Variants in SPATA31H1 observed in about 807,000 individuals in gnomAD.
SPATA31H1 encodes the protein spermatogenesis-associated protein 31H1.
At chr2:27,565,977 G>T in the SPATA31H1 span, 1 of 713,778 alleles carries the variant, frequency 1.4e-6, no homozygotes, top group Non-Finnish European at 2.6e-6. Flanking sequence ...AAAAAGAGGG[G>T]GTTGGACAAA....
the SPATA31H1 span, chr2:27,566,164 TG>T: frequency 7.0e-6 from 5 of 715,880 alleles, no homozygotes; most frequent in Non-Finnish European, 1.0e-5. Context: ...GTAAAGTACC[TG>T]GACTCTGTTT....
At chr2:27,538,337 G>C in the SPATA31H1 span, among the ~76,000 whole-genome samples, 1 of 152,156 alleles carries the variant, frequency 6.6e-6, no homozygotes, top group Non-Finnish European at 1.5e-5. Context: ...GATGTAGTAA[G>C]TCTGGGGTAG....
chr2:27,541,818 C>T, the SPATA31H1 span, among the ~76,000 whole-genome samples: 2 of 152,042 alleles, frequency 1.3e-5, no homozygotes, highest in Non-Finnish European at 2.9e-5. Flanking sequence ...CCCTCTGTCA[C>T]CCAGGCTGGA....
chr2:27,555,722 G>A, the SPATA31H1 span, among the ~76,000 whole-genome samples: 1 of 151,916 alleles, frequency 6.6e-6, no homozygotes, highest in African/African-American at 2.4e-5. Flanking sequence ...GTCTCTTTTA[G>A]CACATTAAAA....
At chr2:27,579,614 T>C in the SPATA31H1 span, 2 of 1,614,068 alleles carry the variant, frequency 1.2e-6, no homozygotes, top group Admixed American at 3.3e-5. Context: ...TCATTCAACA[T>C]ATGCCTGTCT....
chr2:27,540,087 G>A, the SPATA31H1 span, among the ~76,000 whole-genome samples: 10 of 100,954 alleles, frequency 9.9e-5, no homozygotes, highest in African/African-American at 2.0e-4. Context: ...CAGTAGGGGC[G>A]GCCGGGCAGA....
chr2:27,582,000 T>G, the SPATA31H1 span: 34 of 1,613,688 alleles, frequency 2.1e-5, no homozygotes, highest in Non-Finnish European at 2.9e-5. Context: ...TCACAGTCCC[T>G]TGGAGAGGAG....
the SPATA31H1 span, chr2:27,577,302 C>A: frequency 6.2e-7 from 1 of 1,614,008 alleles, no homozygotes; most frequent in South Asian, 1.1e-5. This position sits in a 1 kb window ranked among gnomAD's most constrained non-coding sequence, Gnocchi z 4.5. Flanking sequence ...GTCACGGCCC[C>A]GAGTTAAGGA....
the SPATA31H1 span, chr2:27,578,217 G>T: frequency 1.9e-6 from 3 of 1,614,166 alleles, no homozygotes; most frequent in African/African-American, 4.0e-5. Context: ...ACTGCAATAT[G>T]TGAGACCTTC....
At chr2:27,541,423 G>A in the SPATA31H1 span, among the ~76,000 whole-genome samples, 11 of 151,832 alleles carry the variant, frequency 7.2e-5, 1 homozygote, top group South Asian at 6.2e-4. Flanking sequence ...AGAGGGGAGA[G>A]GGGAGAGGGA....
chr2:27,582,491 A>G, the SPATA31H1 span: 2 of 1,612,086 alleles, frequency 1.2e-6, no homozygotes, highest in Non-Finnish European at 8.5e-7. Flanking sequence ...AAAATCCCAA[A>G]GCAGGGCAAG....
chr2:27,556,714 TA>T, the SPATA31H1 span, among the ~76,000 whole-genome samples: 28 of 147,446 alleles, frequency 1.9e-4, no homozygotes, highest in South Asian at 6.3e-4. Context: ...TTAATTAATT[TA>T]TTTTTTTTTT....
At chr2:27,582,467 C>A in the SPATA31H1 span, 91 of 1,613,414 alleles carry the variant, frequency 5.6e-5, 1 homozygote, top group Non-Finnish European at 7.5e-5. Flanking sequence ...CAACTCTCCT[C>A]GGGACCACAC....
At chr2:27,581,137 T>C in the SPATA31H1 span, 2 of 1,614,154 alleles carry the variant, frequency 1.2e-6, no homozygotes, top group Non-Finnish European at 1.7e-6. Flanking sequence ...GGTTCCCCTG[T>C]GAAGAGAACC....
At chr2:27,567,689 G>A in the SPATA31H1 span, 1 of 400,436 alleles carries the variant, frequency 2.5e-6, no homozygotes. Flanking sequence ...CTCCTTTACT[G>A]AAGAATGATC....
the SPATA31H1 span, among the ~76,000 whole-genome samples, chr2:27,560,356 T>G: frequency 4.7e-3 from 716 of 152,292 alleles, 6 homozygotes; most frequent in African/African-American, 0.016. Flanking sequence ...TTCTACTACA[T>G]ATAAATTGAT....
At chr2:27,551,399 T>C in the SPATA31H1 span, among the ~76,000 whole-genome samples, 2 of 152,038 alleles carry the variant, frequency 1.3e-5, no homozygotes, top group Non-Finnish European at 2.9e-5. Flanking sequence ...AACACAAAAT[T>C]CTAAAGGCTT....
chr2:27,548,379 A>T, the SPATA31H1 span, among the ~76,000 whole-genome samples: 2 of 151,696 alleles, frequency 1.3e-5, no homozygotes, highest in African/African-American at 4.9e-5. Context: ...AGACTGAGGC[A>T]GGAGGATTGC....
the SPATA31H1 span, chr2:27,582,042 A>T: frequency 6.2e-7 from 1 of 1,614,116 alleles, no homozygotes; most frequent in African/African-American, 1.3e-5. Flanking sequence ...GAGCCATCGC[A>T]GTCCCTCTGA....
Sources: allele counts gnomAD v4.1 joint callset (sites outside exome capture counted in the v4.1 genomes callset), GRCh38; gene constraint gnomAD v4.1.1; non-coding constraint Gnocchi (gnomAD v3.1); transcripts MANE v1.5; gene names NCBI Gene and HGNC (gene_info 2026-07-23, HGNC 2026-07-21).